Variants in DYNLL1 observed in about 807,000 individuals in gnomAD.
The protein encoded by DYNLL1 is dynein light chain LC8-type 1.
Under a neutral mutation model 10.1 loss-of-function variants are expected in DYNLL1, and 3 were observed. The ratio of observed to expected loss-of-function variants is 0.30; its 90% confidence interval spans 0.14 to 0.77. The LOEUF is 0.77. Among genes scored for constraint, DYNLL1 ranks in the 30% least tolerant of loss-of-function variants. The probability of loss-of-function intolerance (pLI) is 0.66; values close to 1 mark genes in which losing one functional copy is unlikely to be tolerated. For missense variants in DYNLL1, 47 were observed against 111.7 expected (o/e 0.42, Z 2.61); for synonymous variants, 46 against 41.2 (o/e 1.12, Z -0.45).
At chr12:120,496,593 G>T in intron 2 of DYNLL1, 40 bp downstream of exon 2, 1 of 1,613,962 alleles carries the variant, frequency 6.2e-7, no homozygotes, top group South Asian at 1.1e-5. Context: ...GCCGGGAGCA[G>T]GGGGTTCCTT....
At chr12:120,480,018 G>T (rs1309614216) in intron 1 of DYNLL1, among the ~76,000 whole-genome samples, 1 of 152,182 alleles carries the variant, frequency 6.6e-6, no homozygotes, top group East Asian at 1.9e-4. Flanking sequence ...CTTGAGGGGA[G>T]TATGGTCTCA....
chr12:120,496,099 G>A, upstream of DYNLL1: 1 of 453,482 alleles, frequency 2.2e-6, no homozygotes, highest in Non-Finnish European at 4.0e-6. Context: ...GCGGCGGCTG[G>A]CGTGGGGCTG....
chr12:120,488,902 A>G (rs1879057549), intron 1 of DYNLL1, among the ~76,000 whole-genome samples: 2 of 152,274 alleles, frequency 1.3e-5, no homozygotes, highest in South Asian at 4.1e-4. Flanking sequence ...AACAAGAACG[A>G]AACTCTGTCT....
At chr12:120,487,400 C>A (rs1879022514) in intron 1 of DYNLL1, among the ~76,000 whole-genome samples, 1 of 144,372 alleles carries the variant, frequency 6.9e-6, no homozygotes, top group Admixed American at 7.2e-5. Context: ...GGGTTCACAC[C>A]ATTCTCCTGC....
chr12:120,487,806 G>A (rs184981019), intron 1 of DYNLL1, among the ~76,000 whole-genome samples: 10 of 152,314 alleles, frequency 6.6e-5, no homozygotes, highest in African/African-American at 2.4e-4. Flanking sequence ...CCAGGTGGCC[G>A]TAACTCAGGC....
chr12:120,477,424 C>CA (rs1878779830), intron 1 of DYNLL1, among the ~76,000 whole-genome samples: 1 of 152,008 alleles, frequency 6.6e-6, no homozygotes, highest in African/African-American at 2.4e-5. Context: ...GCTCGGGATA[C>CA]AACAGTAAGA....
chr12:120,484,338 T>TAC (rs1878947180), intron 1 of DYNLL1, among the ~76,000 whole-genome samples: 1 of 84,628 alleles, frequency 1.2e-5, no homozygotes, highest in Non-Finnish European at 2.1e-5. Flanking sequence ...AATGTGTGTA[T>TAC]ACAGATGTGG....
intron 1 of DYNLL1, among the ~76,000 whole-genome samples, chr12:120,476,315 T>G (rs970745881): frequency 4.0e-5 from 6 of 151,628 alleles, no homozygotes; most frequent in Admixed American, 1.3e-4. Context: ...TGGAGTTTTT[T>G]TTTTTTAAGT....
At chr12:120,482,920 A>G (rs1878913122) in intron 1 of DYNLL1, among the ~76,000 whole-genome samples, 1 of 151,740 alleles carries the variant, frequency 6.6e-6, no homozygotes, top group Admixed American at 6.6e-5. Flanking sequence ...TCTCTACAAA[A>G]AAGTAAAAAT....
chr12:120,484,960 G>A (rs1007945623), intron 1 of DYNLL1, among the ~76,000 whole-genome samples: 1 of 152,160 alleles, frequency 6.6e-6, no homozygotes, highest in Non-Finnish European at 1.5e-5. Context: ...GGCTGGTCTC[G>A]AACTTCTGAC....
chr12:120,471,522 A>G (rs767273114), intron 1 of DYNLL1, among the ~76,000 whole-genome samples: 2 of 152,208 alleles, frequency 1.3e-5, no homozygotes, highest in Non-Finnish European at 2.9e-5. Context: ...TACTGAGTGT[A>G]TATCTTTTTT....
At chr12:120,477,881 C>G (rs1051754424) in intron 1 of DYNLL1, among the ~76,000 whole-genome samples, 1 of 152,076 alleles carries the variant, frequency 6.6e-6, no homozygotes, top group Admixed American at 6.5e-5. Flanking sequence ...ACTGCAGCCT[C>G]CGCCTCCTGG....
chr12:120,496,123 C>A lies in DYNLL1; in HGVS notation c.-100C>A, dbSNP rs1868375949. ...GGCGTGGGGCTGCTTAGATGCGCCACGGTTTCGGTAGCGACGGTATCTCTA... is the reference window on the plus strand; with the variant it reads ...GGCGTGGGGCTGCTTAGATGCGCCAAGGTTTCGGTAGCGACGGTATCTCTA... On this transcript the variant is annotated 5_prime_UTR_variant, in exon 1 of 3. Transcript: ENST00000242577. 1.0e-5 allele frequency: 5 copies of A among 497,230 alleles called. No homozygotes were observed. The highest frequency in any genetic ancestry group is 9.2e-5 in the South Asian group (4 of 43,486). The allele number at this position is 497,230 out of a possible 1,614,324, so 30.8% of individuals were successfully genotyped here.
chr12:120,474,482 T>C (rs766468006), intron 1 of DYNLL1, among the ~76,000 whole-genome samples: 1 of 147,182 alleles, frequency 6.8e-6, no homozygotes, highest in Non-Finnish European at 1.5e-5. Context: ...ACAGCTCGGG[T>C]GATGAGTGCA....
At chr12:120,495,105 C>T (rs1879232283), upstream of DYNLL1, among the ~76,000 whole-genome samples, 1 of 152,184 alleles carries the variant, frequency 6.6e-6, no homozygotes, top group Non-Finnish European at 1.5e-5. Context: ...AATGACAGTG[C>T]TGGGATTTAA....
intron 1 of DYNLL1, among the ~76,000 whole-genome samples, chr12:120,474,190 C>T (rs1366890406): frequency 1.3e-5 from 2 of 151,820 alleles, no homozygotes; most frequent in African/African-American, 2.4e-5. Flanking sequence ...GTCCCAGCTA[C>T]TTGGGAGGCT....
upstream of DYNLL1, among the ~76,000 whole-genome samples, chr12:120,492,995 T>G (rs4767904): frequency 0.29 from 43,982 of 151,956 alleles, 6,695 homozygotes; most frequent in East Asian, 0.5. This position sits in a 1 kb window ranked among gnomAD's most constrained non-coding sequence, Gnocchi z 4.1. Flanking sequence ...CTACATACAT[T>G]TTTGTGCATA....
At chr12:120,472,761 C>T (rs1414004595) in intron 1 of DYNLL1, among the ~76,000 whole-genome samples, 3 of 152,152 alleles carry the variant, frequency 2.0e-5, no homozygotes, top group African/African-American at 4.8e-5. Context: ...AGTTCAGTTA[C>T]CCAGCAGAAA....
intron 1 of DYNLL1, among the ~76,000 whole-genome samples, chr12:120,478,300 T>G (rs1878801256): frequency 1.3e-5 from 2 of 150,892 alleles, no homozygotes. Context: ...AGAGACGAGG[T>G]TTCTCCATGT....
Sources: allele counts gnomAD v4.1 joint callset (sites outside exome capture counted in the v4.1 genomes callset), GRCh38; gene constraint gnomAD v4.1.1; non-coding constraint Gnocchi (gnomAD v3.1); transcripts MANE v1.5; gene names NCBI Gene and HGNC (gene_info 2026-07-23, HGNC 2026-07-21).